The following PXDNL variants were observed in gnomAD, a reference collection of about 807,000 sequenced individuals.
PXDNL encodes the protein probable oxidoreductase PXDNL.
A neutral mutation model predicts 150.8 loss-of-function variants in PXDNL; 145 were observed. That is an observed-to-expected ratio of 0.96 (90% CI 0.84 to 1.10). The LOEUF (loss-of-function observed/expected upper bound fraction) is 1.10, where lower values mean the gene tolerates loss of function less well. PXDNL is among the 50% of genes least tolerant of loss of function. The pLI, the probability that PXDNL is intolerant of heterozygous loss-of-function variation, is 0.00. For missense variants in PXDNL, 2,087 were observed against 1,873.9 expected (o/e 1.11, Z -2.10); for synonymous variants, 757 against 725.7 (o/e 1.04, Z -0.69).
intron 4 of PXDNL, among the ~76,000 whole-genome samples, chr8:51,544,219 A>G (rs1252560790): frequency 6.6e-6 from 1 of 152,208 alleles, no homozygotes; most frequent in East Asian, 1.9e-4. Context: ...CTGAGCATGA[A>G]CTTTTCTGAA....
intron 14 of PXDNL, among the ~76,000 whole-genome samples, chr8:51,419,394 A>G (rs7008890): frequency 0.77 from 117,788 of 152,100 alleles, 46,496 homozygotes; most frequent in Non-Finnish European, 0.85. Context: ...TACTATTTTC[A>G]TAACTATTGT....
chr8:51,567,689 C>G (rs1812856038), intron 3 of PXDNL, among the ~76,000 whole-genome samples: 1 of 151,518 alleles, frequency 6.6e-6, no homozygotes, highest in Non-Finnish European at 1.5e-5. Flanking sequence ...GTGCTGGTAC[C>G]TTGTAACAGA....
At chr8:51,772,026 G>A (rs1316563173) in intron 1 of PXDNL, among the ~76,000 whole-genome samples, 4 of 151,982 alleles carry the variant, frequency 2.6e-5, no homozygotes, top group Admixed American at 1.3e-4. Context: ...GCAGCTGGGA[G>A]GGTCCACTGT....
chr8:51,705,047 A>T (rs1816347436), intron 1 of PXDNL, among the ~76,000 whole-genome samples: 1 of 152,160 alleles, frequency 6.6e-6, no homozygotes, highest in Admixed American at 6.5e-5. Context: ...TCTCAGAAAA[A>T]AAATAAATAA....
intron 1 of PXDNL, among the ~76,000 whole-genome samples, chr8:51,732,351 C>T (rs1393087949): frequency 2.0e-5 from 3 of 152,202 alleles, no homozygotes; most frequent in Non-Finnish European, 4.4e-5. Context: ...CAACAAGTTC[C>T]TCATCTCCAT....
In PXDNL at chr8:51,339,708, T is replaced by C; in HGVS notation, c.4062A>G (p.Thr1354=). 6.2e-7 allele frequency: 1 copy of C among 1,613,684 alleles called. No individual in the cohort carries two copies. Among genetic ancestry groups the C allele is most frequent in the Non-Finnish European group, 8.5e-7 (1 of 1,179,744 alleles). Reference sequence around the variant, plus strand: ...GGGAGAACTTTGTTTTTGCCAGAACTGTCACATTTCTAGCATCTTCACCCA... The same window carrying C: ...GGGAGAACTTTGTTTTTGCCAGAACCGTCACATTTCTAGCATCTTCACCCA... ...IYVGEDARNV[T]VLAKTKFSQD... is the part of the protein sequence containing the mutation. Residue 1354 remains threonine (T), a synonymous_variant, in exon 21 of 23, where the codon ACA becomes ACG. Transcript: ENST00000356297.
At chr8:51,507,081 A>T (rs936528733) in intron 4 of PXDNL, among the ~76,000 whole-genome samples, 2 of 152,130 alleles carry the variant, frequency 1.3e-5, no homozygotes, top group African/African-American at 4.8e-5. Flanking sequence ...ATAAGTACTT[A>T]TTGAGTGCCC....
intron 1 of PXDNL, among the ~76,000 whole-genome samples, chr8:51,786,717 T>C (rs1298310702): frequency 6.6e-6 from 1 of 152,180 alleles, no homozygotes; most frequent in Non-Finnish European, 1.5e-5. Flanking sequence ...ATCTAGAAGC[T>C]GCAGCAAGTT....
At chr8:51,424,691 G>T (rs1809046063) in intron 13 of PXDNL, among the ~76,000 whole-genome samples, 1 of 152,178 alleles carries the variant, frequency 6.6e-6, no homozygotes, top group South Asian at 2.1e-4. Context: ...TTATGAAATT[G>T]CAGTTAAAAT....
At chr8:51,682,518 A>G (rs1173578345) in intron 1 of PXDNL, among the ~76,000 whole-genome samples, 1 of 152,164 alleles carries the variant, frequency 6.6e-6, no homozygotes, top group Non-Finnish European at 1.5e-5. Context: ...CTCTGTTCAC[A>G]CACAGCTCTG....
chr8:51,411,867 G>A (rs1808661980), intron 15 of PXDNL, among the ~76,000 whole-genome samples: 1 of 152,078 alleles, frequency 6.6e-6, no homozygotes, highest in Non-Finnish European at 1.5e-5. Context: ...TCTCCCTGTA[G>A]AGTTTCACTG....
At chr8:51,502,014 C>T (rs1376940049) in intron 4 of PXDNL, among the ~76,000 whole-genome samples, 3 of 152,152 alleles carry the variant, frequency 2.0e-5, no homozygotes, top group African/African-American at 4.8e-5. Context: ...TACAAATAGA[C>T]ATTTTATGAA....
chr8:51,734,997 G>A (rs1248130348), intron 1 of PXDNL, among the ~76,000 whole-genome samples: 2 of 152,106 alleles, frequency 1.3e-5, no homozygotes, highest in African/African-American at 4.8e-5. Context: ...TGGTGACTAT[G>A]GTTAATAACA....
intron 1 of PXDNL, among the ~76,000 whole-genome samples, chr8:51,725,689 A>G (rs952726918): frequency 3.3e-5 from 5 of 152,226 alleles, no homozygotes; most frequent in Non-Finnish European, 7.3e-5. Flanking sequence ...GGCATGAATT[A>G]TAAGTCCTGG....
intron 4 of PXDNL, among the ~76,000 whole-genome samples, chr8:51,534,399 G>A (rs1812006127): frequency 7.0e-6 from 1 of 143,122 alleles, no homozygotes; most frequent in Non-Finnish European, 1.5e-5. Flanking sequence ...TCCGGGAGGT[G>A]AGGGGCGCCT....
At chr8:51,486,306 G>C (rs1810734392) in intron 5 of PXDNL, among the ~76,000 whole-genome samples, 1 of 151,768 alleles carries the variant, frequency 6.6e-6, no homozygotes, top group Non-Finnish European at 1.5e-5. Context: ...TTTTAATTTT[G>C]TACAAATGGT....
intron 17 of PXDNL, among the ~76,000 whole-genome samples, chr8:51,378,617 C>T (rs903180309): frequency 2.0e-5 from 3 of 152,206 alleles, no homozygotes; most frequent in Admixed American, 6.5e-5. Flanking sequence ...ATAAATCTTG[C>T]TGCTGCTCAC....
intron 1 of PXDNL, among the ~76,000 whole-genome samples, chr8:51,710,888 T>C (rs959889149): frequency 5.3e-5 from 8 of 152,154 alleles, no homozygotes; most frequent in Non-Finnish European, 1.0e-4. Flanking sequence ...AAAAAGGCCA[T>C]GTATGGCAAG....
At chr8:51,758,268 T>C (rs1043321192) in intron 1 of PXDNL, among the ~76,000 whole-genome samples, 2 of 152,204 alleles carry the variant, frequency 1.3e-5, no homozygotes, top group African/African-American at 4.8e-5. Flanking sequence ...GTAAGAATAT[T>C]GTGAATTTAA....
Sources: gnomAD v4.1 joint callset for allele counts (sites outside exome capture counted in the v4.1 genomes callset) on GRCh38, gnomAD v4.1.1 for gene constraint, MANE v1.5 for transcripts, NCBI Gene and HGNC (gene_info 2026-07-23, HGNC 2026-07-21) for gene names.